CHD9NB: variants seen among roughly 807,000 people sequenced by gnomAD.
The protein encoded by CHD9NB is CHD9 neighbor protein.
At chr16:53,049,057 CTATGTTA>C in the CHD9NB span, among the ~76,000 whole-genome samples, 2 of 152,190 alleles carry the variant, frequency 1.3e-5, no homozygotes, top group Admixed American at 6.5e-5. Context: ...TGGGGTCGCA[CTATGTTA>C]CCCAGGCTGC....
At chr16:53,049,232 T>C in the CHD9NB span, among the ~76,000 whole-genome samples, 1 of 151,964 alleles carries the variant, frequency 6.6e-6, no homozygotes. Flanking sequence ...CATGGCTCAC[T>C]GCAGCCTCAA....
the CHD9NB span, among the ~76,000 whole-genome samples, chr16:53,038,745 TACA>T: frequency 1.3e-5 from 2 of 152,066 alleles, no homozygotes; most frequent in Non-Finnish European, 2.9e-5. Flanking sequence ...TAATTCAGAA[TACA>T]ACAAGGAAAT....
At chr16:53,049,496 G>A in the CHD9NB span, among the ~76,000 whole-genome samples, 1 of 152,098 alleles carries the variant, frequency 6.6e-6, no homozygotes, top group Admixed American at 6.6e-5. Flanking sequence ...CTGATTCAGG[G>A]GCATAGAATC....
the CHD9NB span, among the ~76,000 whole-genome samples, chr16:53,049,500 T>C: frequency 1.3e-5 from 2 of 152,158 alleles, no homozygotes; most frequent in Non-Finnish European, 1.5e-5. Flanking sequence ...TTCAGGGGCA[T>C]AGAATCTGCT....
chr16:53,040,234 T>TG, the CHD9NB span, among the ~76,000 whole-genome samples: 37 of 151,870 alleles, frequency 2.4e-4, no homozygotes, highest in Non-Finnish European at 2.6e-4. Context: ...CACACCCAGG[T>TG]AATTTTTTTT....
the CHD9NB span, among the ~76,000 whole-genome samples, chr16:53,045,513 T>G: frequency 6.6e-6 from 1 of 152,200 alleles, no homozygotes; most frequent in East Asian, 1.9e-4. Context: ...CTAGCATTCC[T>G]TTTCCTAACT....
the CHD9NB span, chr16:53,044,399 C>T: frequency 7.9e-6 from 3 of 378,322 alleles, no homozygotes; most frequent in East Asian, 7.6e-5. Flanking sequence ...CACTGTGCCC[C>T]ATTCATTCCA....
At chr16:53,047,505 C>A in the CHD9NB span, among the ~76,000 whole-genome samples, 1 of 152,172 alleles carries the variant, frequency 6.6e-6, no homozygotes, top group African/African-American at 2.4e-5. Flanking sequence ...AGATGGCCCC[C>A]TTCTCACTGT....
chr16:53,037,581 G>A, the CHD9NB span, among the ~76,000 whole-genome samples: 24 of 152,270 alleles, frequency 1.6e-4, no homozygotes, highest in African/African-American at 5.8e-4. Context: ...CTGCCTTCTT[G>A]GCAGCTAAAT....
chr16:53,046,845 C>A, the CHD9NB span, among the ~76,000 whole-genome samples: 6 of 152,272 alleles, frequency 3.9e-5, no homozygotes, highest in Non-Finnish European at 7.4e-5. Context: ...GACAACAGAA[C>A]TTTAGATGAA....
At chr16:53,041,273 A>G in the CHD9NB span, among the ~76,000 whole-genome samples, 1 of 152,270 alleles carries the variant, frequency 6.6e-6, no homozygotes, top group Non-Finnish European at 1.5e-5. Flanking sequence ...ACATAATCCT[A>G]ACCACTTTTA....
chr16:53,044,637 G>A, the CHD9NB span, among the ~76,000 whole-genome samples: 3 of 152,194 alleles, frequency 2.0e-5, no homozygotes, highest in African/African-American at 7.2e-5. Context: ...CACTGTTGAG[G>A]AATAGGGAGT....
chr16:53,046,152 A>G, the CHD9NB span, among the ~76,000 whole-genome samples: 1 of 152,122 alleles, frequency 6.6e-6, no homozygotes, highest in Non-Finnish European at 1.5e-5. Flanking sequence ...TTACCTTCCA[A>G]TTAAGATGCC....
the CHD9NB span, among the ~76,000 whole-genome samples, chr16:53,037,732 CA>C: frequency 6.6e-6 from 1 of 152,196 alleles, no homozygotes; most frequent in Non-Finnish European, 1.5e-5. Flanking sequence ...ATAAACTTTA[CA>C]GCAACCCTGG....
At chr16:53,038,242 A>G in the CHD9NB span, among the ~76,000 whole-genome samples, 1 of 152,234 alleles carries the variant, frequency 6.6e-6, no homozygotes, top group East Asian at 1.9e-4. Context: ...CTACTGATTA[A>G]AACGCTAATC....
At chr16:53,047,925 G>A in the CHD9NB span, among the ~76,000 whole-genome samples, 1 of 151,828 alleles carries the variant, frequency 6.6e-6, no homozygotes, top group Admixed American at 6.6e-5. Context: ...TTGAGCCTAG[G>A]GGAGTCCAGG....
chr16:53,046,096 C>T, the CHD9NB span, among the ~76,000 whole-genome samples: 15 of 152,232 alleles, frequency 9.9e-5, no homozygotes, highest in African/African-American at 3.6e-4. Flanking sequence ...CACATAAATG[C>T]CAAAGTATAC....
chr16:53,040,523 T>C, the CHD9NB span, among the ~76,000 whole-genome samples: 1 of 152,192 alleles, frequency 6.6e-6, no homozygotes, highest in Admixed American at 6.5e-5. Flanking sequence ...CCATCCTCTT[T>C]GTCTAATTCC....
At chr16:53,041,118 A>ATGGC in the CHD9NB span, among the ~76,000 whole-genome samples, 1 of 152,200 alleles carries the variant, frequency 6.6e-6, no homozygotes, top group East Asian at 1.9e-4. Flanking sequence ...GGATGGATAG[A>ATGGC]TGGCTGGATG....
Sources: gnomAD v4.1 joint callset for allele counts (sites outside exome capture counted in the v4.1 genomes callset) on GRCh38, gnomAD v4.1.1 for gene constraint, MANE v1.5 for transcripts, NCBI Gene and HGNC (gene_info 2026-07-23, HGNC 2026-07-21) for gene names.